SDK1: variants seen among roughly 807,000 people sequenced by gnomAD.
SDK1 encodes the protein protein sidekick-1.
Under a neutral mutation model 245.5 loss-of-function variants are expected in SDK1, and 157 were observed. That is an observed-to-expected ratio of 0.64 (90% confidence interval 0.56 to 0.73). The LOEUF (loss-of-function observed/expected upper bound fraction) is 0.73. SDK1 is among the 30% of genes least tolerant of loss of function. The pLI, the probability that SDK1 is intolerant of heterozygous loss-of-function variation, is 0.00. For missense variants in SDK1, 3,583 were observed against 3,002.3 expected (o/e 1.19, Z -4.52); for synonymous variants, 1,647 against 1,278.5 (o/e 1.29, Z -6.15).
chr7:3,626,183 T>C (rs1023229861), intron 2 of SDK1, among the ~76,000 whole-genome samples: 1 of 151,966 alleles, frequency 6.6e-6, no homozygotes, highest in Non-Finnish European at 1.5e-5. Context: ...CAAGCAGTCC[T>C]CCTGCCTTGG....
chr7:4,164,300 C>T (rs532274262), intron 32 of SDK1, among the ~76,000 whole-genome samples: 23 of 152,312 alleles, frequency 1.5e-4, no homozygotes, highest in African/African-American at 5.5e-4. Flanking sequence ...GACTGTGGCC[C>T]TGAGAGGCCC....
intron 19 of SDK1, among the ~76,000 whole-genome samples, chr7:4,064,531 A>T (rs990460372): frequency 6.6e-6 from 1 of 152,142 alleles, no homozygotes. Flanking sequence ...TAAAAATAGA[A>T]CTACCCTATG....
chr7:3,667,602 A>G (rs1007690066), intron 4 of SDK1, among the ~76,000 whole-genome samples: 2 of 151,982 alleles, frequency 1.3e-5, no homozygotes, highest in Admixed American at 1.3e-4. Flanking sequence ...ATTGTGATCA[A>G]CTCTTCCTCC....
chr7:3,725,052 A>C (rs143906753), intron 4 of SDK1, among the ~76,000 whole-genome samples: 4 of 152,230 alleles, frequency 2.6e-5, no homozygotes, highest in African/African-American at 4.8e-5. Context: ...TCCTGATTCA[A>C]TGTGAATGGG....
intron 1 of SDK1, among the ~76,000 whole-genome samples, chr7:3,510,487 G>C (rs1782544311): frequency 6.6e-6 from 1 of 152,134 alleles, no homozygotes; most frequent in African/African-American, 2.4e-5. Context: ...AAAAGGCATG[G>C]GATTTATTTA....
intron 1 of SDK1, among the ~76,000 whole-genome samples, chr7:3,487,157 C>T (rs965403998): frequency 6.6e-6 from 1 of 152,086 alleles, no homozygotes; most frequent in Non-Finnish European, 1.5e-5. Flanking sequence ...TAGAATTGGC[C>T]CACTGGTCTT....
At chr7:4,187,084 C>T (rs902673857) in intron 35 of SDK1, among the ~76,000 whole-genome samples, 20 of 152,032 alleles carry the variant, frequency 1.3e-4, no homozygotes, top group African/African-American at 4.6e-4. Flanking sequence ...GGGTTGTGTG[C>T]ATGTTGGGTG....
chr7:3,978,567 G>A (rs897278210), intron 13 of SDK1, among the ~76,000 whole-genome samples: 3 of 152,148 alleles, frequency 2.0e-5, no homozygotes, highest in Non-Finnish European at 1.5e-5. Context: ...CCCAAACCTG[G>A]ATGAATTGGG....
chr7:3,825,906 C>T (rs141598544), intron 5 of SDK1, among the ~76,000 whole-genome samples: 96 of 152,338 alleles, frequency 6.3e-4, no homozygotes, highest in African/African-American at 1.8e-3. Flanking sequence ...TGAAATATTA[C>T]TAAAAACCAA....
intron 5 of SDK1, 147 bp downstream of exon 5, chr7:3,821,730 C>G (rs886991282): frequency 1.8e-5 from 13 of 726,542 alleles, no homozygotes; most frequent in African/African-American, 9.3e-5. Flanking sequence ...GCCAATAGTT[C>G]GGAGAGCTTT....
intron 44 of SDK1, among the ~76,000 whole-genome samples, chr7:4,264,548 T>C (rs1167218759): frequency 2.4e-5 from 3 of 126,126 alleles, no homozygotes; most frequent in Non-Finnish European, 4.9e-5. Context: ...GGACCTCTCC[T>C]GAGTGAGGGA....
intron 2 of SDK1, among the ~76,000 whole-genome samples, chr7:3,623,003 G>A (rs1345508262): frequency 1.3e-5 from 2 of 151,000 alleles, no homozygotes; most frequent in Non-Finnish European, 2.9e-5. Context: ...TTTATCATAT[G>A]TTAGCCTTCA....
At chr7:4,138,072 G>C in intron 28 of SDK1, among the ~76,000 whole-genome samples, 1 of 152,226 alleles carries the variant, frequency 6.6e-6, no homozygotes, top group East Asian at 1.9e-4. Context: ...CAAATAATAG[G>C]AAGGTACAAA....
intron 17 of SDK1, among the ~76,000 whole-genome samples, chr7:4,028,108 C>T (rs1311220587): frequency 1.3e-5 from 2 of 152,012 alleles, no homozygotes; most frequent in African/African-American, 2.4e-5. Flanking sequence ...TCTGTGGACC[C>T]ACAGAATCAA....
chr7:3,407,557 T>C (rs1279293610), intron 1 of SDK1, among the ~76,000 whole-genome samples: 1 of 152,148 alleles, frequency 6.6e-6, no homozygotes, highest in Non-Finnish European at 1.5e-5. Context: ...AAATATGTTA[T>C]CTAAGGGTGT....
intron 5 of SDK1, among the ~76,000 whole-genome samples, chr7:3,918,980 A>T (rs1779490024): frequency 6.6e-6 from 1 of 152,198 alleles, no homozygotes; most frequent in Admixed American, 6.5e-5. Context: ...TATAACATTC[A>T]CCATAATCAT....
At chr7:3,491,847 G>A (rs1781872358) in intron 1 of SDK1, among the ~76,000 whole-genome samples, 4 of 152,138 alleles carry the variant, frequency 2.6e-5, no homozygotes, top group Admixed American at 2.6e-4. Context: ...TCCATATAAA[G>A]CCTTGCTTTT....
At chr7:3,623,497 T>G (rs1256405313) in intron 2 of SDK1, among the ~76,000 whole-genome samples, 1 of 152,122 alleles carries the variant, frequency 6.6e-6, no homozygotes, top group Non-Finnish European at 1.5e-5. Context: ...TGTCTCAGCC[T>G]CCCAAAGTGC....
chr7:3,801,922 T>G (rs1314397325), intron 4 of SDK1, among the ~76,000 whole-genome samples: 1 of 152,260 alleles, frequency 6.6e-6, no homozygotes, highest in Non-Finnish European at 1.5e-5. Flanking sequence ...AGCTGGAGGA[T>G]GAAACAGCTT....
Sources: gnomAD v4.1 joint callset for allele counts (sites outside exome capture counted in the v4.1 genomes callset) on GRCh38, gnomAD v4.1.1 for gene constraint, MANE v1.5 for transcripts, NCBI Gene and HGNC (gene_info 2026-07-23, HGNC 2026-07-21) for gene names.